The following PLXDC2 variants were observed in gnomAD, a reference collection of about 807,000 sequenced individuals.
PLXDC2 encodes the protein plexin domain-containing protein 2.
PLXDC2 carries 40 observed loss-of-function variants against 68.9 expected under a neutral mutation model. That is an observed-to-expected ratio of 0.58 (90% CI 0.45 to 0.76). The LOEUF (loss-of-function observed/expected upper bound fraction) is 0.76. Ranked by LOEUF, PLXDC2 falls within the 30% of genes least tolerant of loss-of-function variation. The pLI, the probability that PLXDC2 is intolerant of heterozygous loss-of-function variation, is 0.00. For synonymous variants in PLXDC2, 243 were observed against 234.2 expected, an observed-to-expected ratio of 1.04 and a Z score of -0.34; for missense variants, 644 against 661.9, an observed-to-expected ratio of 0.97 and a Z score of 0.30.
intron 10 of PLXDC2, 51 bp downstream of exon 10, chr10:20,211,780 T>A (rs1564355077): frequency 1.3e-6 from 2 of 1,554,246 alleles, no homozygotes; most frequent in Non-Finnish European, 1.8e-6. Context: ...GTCATATACA[T>A]GTGTTTTAAC....
intron 1 of PLXDC2, among the ~76,000 whole-genome samples, chr10:19,981,413 T>C (rs1240147259): frequency 6.6e-6 from 1 of 152,224 alleles, no homozygotes; most frequent in South Asian, 2.1e-4. Context: ...TTGTTGTACA[T>C]GCTTTTGTCT....
At chr10:20,249,617 T>C (rs1387036340) in intron 13 of PLXDC2, among the ~76,000 whole-genome samples, 6 of 152,146 alleles carry the variant, frequency 3.9e-5, no homozygotes, top group African/African-American at 7.2e-5. Context: ...TGTGACTACA[T>C]TGGGCTCACC....
intron 7 of PLXDC2, among the ~76,000 whole-genome samples, chr10:20,167,052 C>T (rs1342866900): frequency 6.6e-6 from 1 of 152,104 alleles, no homozygotes; most frequent in Non-Finnish European, 1.5e-5. Context: ...AAAGCAGTCA[C>T]ATTTTCTGTT....
intron 9 of PLXDC2, among the ~76,000 whole-genome samples, chr10:20,205,744 T>C (rs2131851877): frequency 6.6e-6 from 1 of 152,166 alleles, no homozygotes; most frequent in Non-Finnish European, 1.5e-5. Context: ...AGTTACTTAA[T>C]CTTTACTAGA....
At chr10:20,132,723 T>C (rs550868669) in intron 4 of PLXDC2, among the ~76,000 whole-genome samples, 1 of 152,018 alleles carries the variant, frequency 6.6e-6, no homozygotes, top group Non-Finnish European at 1.5e-5. Context: ...ATGAGTGTCC[T>C]TAAAGCTAAG....
At chr10:19,944,288 T>C (rs903397973) in intron 1 of PLXDC2, among the ~76,000 whole-genome samples, 67 of 152,162 alleles carry the variant, frequency 4.4e-4, no homozygotes, top group African/African-American at 1.6e-3. Flanking sequence ...TCTGCTTTTT[T>C]TTCCCTCCAA....
In PLXDC2 at chr10:20,200,897, A is replaced by G. The variant is rs144949623; in HGVS notation, c.1062-10772A>G. Among the ~76,000 whole-genome samples, 766 of 152,188 alleles carry G rather than the reference A, an allele frequency of 5.0e-3. 6 individuals carry two copies. The highest frequency in any genetic ancestry group is 0.017 in the African/African-American group (703 of 41,550). On this transcript the variant is annotated intron_variant, in intron 9 of 13. Transcript: ENST00000377252. ...AGTAACAAATGCTGCTGACAAGGAC[A>G]TGGAGAAAAAGGGAACTTTTATGCA...
chr10:19,885,547 G>A (rs1273139237), intron 1 of PLXDC2, among the ~76,000 whole-genome samples: 2 of 152,030 alleles, frequency 1.3e-5, no homozygotes, highest in African/African-American at 4.8e-5. Flanking sequence ...GTAAGGAAGG[G>A]ATCCAGTTTC....
chr10:20,142,087 G>T (rs191174212), intron 4 of PLXDC2, among the ~76,000 whole-genome samples: 1 of 152,030 alleles, frequency 6.6e-6, no homozygotes, highest in South Asian at 2.1e-4. Context: ...GTTTAATTCT[G>T]CAATAACTTA....
chr10:20,010,764 T>A (rs2131643971), intron 2 of PLXDC2, among the ~76,000 whole-genome samples: 1 of 152,344 alleles, frequency 6.6e-6, no homozygotes, highest in African/African-American at 2.4e-5. Flanking sequence ...CAAAGAGAAA[T>A]CTCATATTTA....
intron 1 of PLXDC2, among the ~76,000 whole-genome samples, chr10:19,841,956 T>A (rs1032138337): frequency 1.3e-5 from 2 of 152,054 alleles, no homozygotes; most frequent in African/African-American, 4.8e-5. Flanking sequence ...AACACCCCAA[T>A]GGATAGTCTG....
chr10:20,266,860 C>G (rs1835878613), intron 13 of PLXDC2, among the ~76,000 whole-genome samples: 2 of 152,074 alleles, frequency 1.3e-5, no homozygotes, highest in South Asian at 2.1e-4. Flanking sequence ...AAGCACAATG[C>G]TAAGTAAATA....
At chr10:20,087,590 C>T (rs1446222556) in intron 4 of PLXDC2, among the ~76,000 whole-genome samples, 1 of 152,178 alleles carries the variant, frequency 6.6e-6, no homozygotes, top group East Asian at 1.9e-4. Context: ...TGGAATTTTT[C>T]TTCCTCCAAT....
Position 19,853,050 on chromosome 10 carries a change from A to G in PLXDC2, c.112+35859A>G, listed in dbSNP as rs117930467. Among the ~76,000 whole-genome samples, 48 of 152,340 alleles carry G rather than the reference A, an allele frequency of 3.2e-4. No homozygotes were observed. The East Asian group carries it at 6.5e-3, about 21-fold the overall frequency. Reference sequence around the variant, plus strand: ...ATTCAAGAAAGCCATTTATTTAACTACTTTGAGATTCATTCTTTCAGTTGC... The same window carrying G: ...ATTCAAGAAAGCCATTTATTTAACTGCTTTGAGATTCATTCTTTCAGTTGC... On this transcript the variant is annotated intron_variant, in intron 1 of 13. Transcript: ENST00000377252.
At chr10:20,152,058 T>C (rs1176416363) in intron 6 of PLXDC2, among the ~76,000 whole-genome samples, 3 of 152,100 alleles carry the variant, frequency 2.0e-5, no homozygotes. Context: ...CCTCATTCAA[T>C]TTATCTTAGT....
At chr10:19,932,186 G>A (rs1460458954) in intron 1 of PLXDC2, among the ~76,000 whole-genome samples, 1 of 152,204 alleles carries the variant, frequency 6.6e-6, no homozygotes, top group East Asian at 1.9e-4. Flanking sequence ...CAAAGTACCA[G>A]AAACCAGCTC....
intron 6 of PLXDC2, among the ~76,000 whole-genome samples, chr10:20,163,523 A>T (rs1269611768): frequency 1.3e-5 from 2 of 152,100 alleles, no homozygotes; most frequent in African/African-American, 4.8e-5. Context: ...GATCTAATAT[A>T]TTATTTAATG....
intron 1 of PLXDC2, among the ~76,000 whole-genome samples, chr10:19,827,577 T>C: frequency 6.6e-6 from 1 of 151,820 alleles, no homozygotes; most frequent in Admixed American, 6.6e-5. Context: ...TTTTTTTTTT[T>C]TAAGACAGAG....
chr10:20,249,080 G>A (rs986495474), intron 13 of PLXDC2, among the ~76,000 whole-genome samples: 1 of 152,038 alleles, frequency 6.6e-6, no homozygotes, highest in African/African-American at 2.4e-5. Flanking sequence ...TTAACACAGT[G>A]GTGATTTCAC....
Sources: allele counts gnomAD v4.1 joint callset (sites outside exome capture counted in the v4.1 genomes callset), GRCh38; gene constraint gnomAD v4.1.1; transcripts MANE v1.5; gene names NCBI Gene and HGNC (gene_info 2026-07-23, HGNC 2026-07-21).